Variants in SPECC1L observed in about 807,000 individuals in gnomAD.
The protein encoded by SPECC1L is sperm antigen with calponin homology and coiled-coil domains 1 like.
A neutral mutation model predicts 116.8 loss-of-function variants in SPECC1L; 40 were observed. The ratio of observed to expected loss-of-function variants is 0.34; its 90% CI spans 0.27 to 0.45. The LOEUF (loss-of-function observed/expected upper bound fraction) is 0.45, where lower values mean the gene tolerates loss of function less well. Among genes scored for constraint, SPECC1L ranks in the 20% least tolerant of loss-of-function variants. SPECC1L has a pLI of 1.00. For missense variants in SPECC1L, 1,110 were observed against 1,373.6 expected, an observed-to-expected ratio of 0.81 and a Z score of 3.03; for synonymous variants, 504 against 500.6, an observed-to-expected ratio of 1.01 and a Z score of -0.09.
chr22:24,395,422 A>G (rs922578171), intron 14 of SPECC1L, among the ~76,000 whole-genome samples: 1 of 152,228 alleles, frequency 6.6e-6, no homozygotes, highest in Non-Finnish European at 1.5e-5. Flanking sequence ...TCACACTGAC[A>G]CATACAAGAT....
chr22:24,352,308 G>A (rs531162197), intron 11 of SPECC1L, among the ~76,000 whole-genome samples: 23 of 152,348 alleles, frequency 1.5e-4, no homozygotes, highest in Non-Finnish European at 2.6e-4. Flanking sequence ...GCTCCAGAAT[G>A]TTAAGCATAA....
rs566282241 is a variant in SPECC1L at position 24,417,726 on chromosome 22, T to G, written c.*3103T>G. ...CCTACCCAGAGGCAACCAGATAAACTTTTTTGCCTGTGCATTGTTTTTTGT... is the reference window on the plus strand; with the variant it reads ...CCTACCCAGAGGCAACCAGATAAACGTTTTTGCCTGTGCATTGTTTTTTGT... On this transcript the variant is annotated 3_prime_UTR_variant, in exon 17 of 17. Coordinates refer to ENST00000314328, the MANE Select transcript of SPECC1L (RefSeq NM_015330.6). The G allele has an allele frequency of 6.6e-6, 1 of 152,156 alleles. No homozygotes were observed. The highest frequency in any genetic ancestry group is 2.4e-5 in the African/African-American group (1 of 41,432). 9.4% of individuals were successfully genotyped at this position (152,156 alleles called of 1,614,324 possible).
intron 14 of SPECC1L, among the ~76,000 whole-genome samples, chr22:24,405,853 A>T (rs1265171801): frequency 1.4e-5 from 2 of 145,836 alleles, no homozygotes; most frequent in East Asian, 4.0e-4. Flanking sequence ...AAAAAAAAAA[A>T]GTACTTTACA....
At chr22:24,414,310 A>T (rs1455427114) in intron 16 of SPECC1L, among the ~76,000 whole-genome samples, 1 of 152,118 alleles carries the variant, frequency 6.6e-6, no homozygotes, top group East Asian at 1.9e-4. Flanking sequence ...GTGAGCAGGG[A>T]GGCACCTTGC....
chr22:24,323,599 A>C (rs182672362), intron 5 of SPECC1L, among the ~76,000 whole-genome samples: 128 of 152,316 alleles, frequency 8.4e-4, no homozygotes, highest in Non-Finnish European at 1.2e-3. Flanking sequence ...TATTCTAGTT[A>C]TACTAGTTAT....
intron 14 of SPECC1L, among the ~76,000 whole-genome samples, chr22:24,387,686 A>T (rs962328071): frequency 1.3e-5 from 2 of 152,200 alleles, no homozygotes; most frequent in African/African-American, 4.8e-5. Flanking sequence ...TTTTCTATAT[A>T]AAACAAATAA....
intron 14 of SPECC1L, among the ~76,000 whole-genome samples, chr22:24,380,187 T>C (rs567630891): frequency 6.6e-6 from 1 of 152,166 alleles, no homozygotes; most frequent in Non-Finnish European, 1.5e-5. Flanking sequence ...GCATAATCTT[T>C]TAAAACTGAA....
At chr22:24,400,995 A>T in intron 14 of SPECC1L, among the ~76,000 whole-genome samples, 1 of 152,188 alleles carries the variant, frequency 6.6e-6, no homozygotes, top group East Asian at 1.9e-4. Context: ...AGAATGGTAA[A>T]ACAACCCTCC....
At chr22:24,401,080 C>T (rs894002968) in intron 14 of SPECC1L, among the ~76,000 whole-genome samples, 52 of 152,200 alleles carry the variant, frequency 3.4e-4, no homozygotes, top group African/African-American at 1.0e-3. Context: ...CGGAAGCAAA[C>T]ACCAGCCACT....
At chr22:24,293,061 A>G (rs1312653220) in intron 2 of SPECC1L, among the ~76,000 whole-genome samples, 1 of 152,170 alleles carries the variant, frequency 6.6e-6, no homozygotes, top group Non-Finnish European at 1.5e-5. Flanking sequence ...GTAGTGTGCT[A>G]TGATAGAGAA....
intron 3 of SPECC1L, among the ~76,000 whole-genome samples, chr22:24,304,962 A>G (rs913565345): frequency 2.6e-5 from 4 of 152,240 alleles, no homozygotes; most frequent in South Asian, 2.1e-4. Flanking sequence ...ATCAGTTACA[A>G]AGAGTAGGCT....
intron 3 of SPECC1L, among the ~76,000 whole-genome samples, chr22:24,310,609 G>T (rs1353332270): frequency 6.6e-6 from 1 of 152,062 alleles, no homozygotes; most frequent in Non-Finnish European, 1.5e-5. Context: ...CTCTGTGTGT[G>T]TGTGTGTTTG....
intron 8 of SPECC1L, among the ~76,000 whole-genome samples, chr22:24,333,121 G>A (rs994399778): frequency 2.6e-5 from 4 of 152,084 alleles, no homozygotes; most frequent in East Asian, 3.9e-4. Flanking sequence ...CCAGCTACTC[G>A]GGAGACTGAG....
intron 14 of SPECC1L, among the ~76,000 whole-genome samples, chr22:24,402,774 A>G (rs190309187): frequency 9.2e-5 from 14 of 152,368 alleles, no homozygotes; most frequent in African/African-American, 3.4e-4. Context: ...ATTTCCTTAA[A>G]TAGACCAGAA....
chr22:24,345,565 A>G (rs998730087), intron 10 of SPECC1L, among the ~76,000 whole-genome samples: 1 of 152,256 alleles, frequency 6.6e-6, no homozygotes, highest in African/African-American at 2.4e-5. Context: ...ATTTACATTC[A>G]GTAAGAAGAC....
chr22:24,300,469 G>A (rs1189850386), intron 2 of SPECC1L, among the ~76,000 whole-genome samples: 3 of 152,152 alleles, frequency 2.0e-5, no homozygotes, highest in South Asian at 2.1e-4. Context: ...ATAGTGGAAC[G>A]ATTTGTATTC....
chr22:24,369,391 C>A, intron 14 of SPECC1L, 71 bp downstream of exon 14: 1 of 1,068,006 alleles, frequency 9.4e-7, no homozygotes, highest in Non-Finnish European at 1.5e-6. Context: ...TAGCTTACTA[C>A]GTGTCACACA....
At chr22:24,339,585 A>G (rs917177434) in intron 10 of SPECC1L, among the ~76,000 whole-genome samples, 6 of 152,218 alleles carry the variant, frequency 3.9e-5, no homozygotes, top group Non-Finnish European at 7.3e-5. Flanking sequence ...CATAGGTGAG[A>G]GTAGCCAAAG....
At chr22:24,316,911 AC>A (rs1455865518) in intron 4 of SPECC1L, among the ~76,000 whole-genome samples, 2 of 104,396 alleles carry the variant, frequency 1.9e-5, no homozygotes, top group Non-Finnish European at 4.0e-5. Flanking sequence ...CGGGGGGCTG[AC>A]CCCCCCAACC....
Sources: gnomAD v4.1 joint callset for allele counts (sites outside exome capture counted in the v4.1 genomes callset) on GRCh38, gnomAD v4.1.1 for gene constraint, MANE v1.5 for transcripts, NCBI Gene and HGNC (gene_info 2026-07-23, HGNC 2026-07-21) for gene names.